Variants in CDH23 observed in about 807,000 individuals in gnomAD.
CDH23 encodes the protein cadherin related 23, also known as cadherin-23.
Under a neutral mutation model 317.1 loss-of-function variants are expected in CDH23, and 189 were observed. The observed-to-expected ratio is 0.60, with a 90% CI of 0.53 to 0.67. The LOEUF (loss-of-function observed/expected upper bound fraction) is 0.67, where lower values mean the gene tolerates loss of function less well. Among genes scored for constraint, CDH23 ranks in the 30% least tolerant of loss-of-function variants. The probability of loss-of-function intolerance (pLI) is 0.00; values close to 1 mark genes in which losing one functional copy is unlikely to be tolerated. For synonymous variants in CDH23, 1,839 were observed against 1,876.8 expected (o/e 0.98, Z 0.52); for missense variants, 4,401 against 4,592.4 (o/e 0.96, Z 1.20).
In CDH23 at chr10:71,511,223, C is replaced by T. The variant is rs759160082; in HGVS notation, c.429+11C>T. 1.2e-6 allele frequency: 2 copies of T among 1,611,348 alleles called. No individual in the cohort carries two copies. Among genetic ancestry groups the T allele is most frequent in the Admixed American group, 1.7e-5 (1 of 59,958 alleles). ...GTCCGCATCCCTGAGGTAGGAGCCA[C>T]TGGGGTTACCCTTGAGGGTATCAGA... On this transcript the variant is annotated intron_variant, in intron 6 of 69. Transcript: ENST00000224721.
At chr10:71,550,620 G>GA (rs1257180248) in intron 6 of CDH23, among the ~76,000 whole-genome samples, 3 of 145,098 alleles carry the variant, frequency 2.1e-5, no homozygotes, top group Non-Finnish European at 4.6e-5. Context: ...AAAAGAGAAA[G>GA]AAAAAAGACA....
At chr10:71,602,354 A>G (rs1434823063) in intron 9 of CDH23, among the ~76,000 whole-genome samples, 1 of 152,152 alleles carries the variant, frequency 6.6e-6, no homozygotes, top group Non-Finnish European at 1.5e-5. Context: ...CAGCAGCCCC[A>G]GGAGGCAGAG....
chr10:71,701,244 C>A (rs1174310340), intron 22 of CDH23, among the ~76,000 whole-genome samples: 2 of 152,154 alleles, frequency 1.3e-5, no homozygotes, highest in Non-Finnish European at 2.9e-5. Flanking sequence ...GAAGGTAGGG[C>A]GGTTGGAGGA....
chr10:71,562,343 C>T (rs944747398), intron 6 of CDH23, among the ~76,000 whole-genome samples: 6 of 152,218 alleles, frequency 3.9e-5, no homozygotes, highest in Non-Finnish European at 5.9e-5. Flanking sequence ...TGGATTTGCA[C>T]GTTAATAGGA....
chr10:71,687,364 G>A (rs3802715), intron 18 of CDH23, among the ~76,000 whole-genome samples: 4,247 of 152,170 alleles, frequency 0.028, 258 homozygotes, highest in East Asian at 0.24. Context: ...GGCAGCTGTC[G>A]GCAGTCCCAG....
intron 44 of CDH23, among the ~76,000 whole-genome samples, chr10:71,787,649 T>C (rs1238618753): frequency 6.6e-6 from 1 of 152,228 alleles, no homozygotes; most frequent in African/African-American, 2.4e-5. Context: ...TATTTGACTT[T>C]CTATTTCTGA....
chr10:71,414,802 C>CA (rs1231358806), intron 1 of CDH23, among the ~76,000 whole-genome samples: 1 of 152,114 alleles, frequency 6.6e-6, no homozygotes, highest in Non-Finnish European at 1.5e-5. Context: ...AAGTTTAGAA[C>CA]AATTCGATGG....
Position 71,566,802 on chromosome 10 carries a change from G to T in CDH23, c.490G>T (p.Gly164Trp), listed in dbSNP as rs983281489. 1.5e-5 allele frequency: 24 copies of T among 1,612,872 alleles called. No individual in the cohort carries two copies. Among genetic ancestry groups the T allele is most frequent in the Non-Finnish European group, 2.0e-5 (24 of 1,179,174 alleles). ...TGCCACAGACCCCGACTTGGGGGCA[G>T]GGGGCAGCGTCCTCTACTCCTTCCA... ...VNATDPDLGA[G>W]GSVLYSFQPP... Residue 164 changes from glycine to tryptophan, a missense_variant, in exon 7 of 70, where the codon GGG (glycine) becomes TGG (tryptophan). Physicochemically the swap from Gly to Trp is radical, Grantham distance 184 (BLOSUM62 -2). Around this residue, in one of 3 missense-constraint regions of CDH23, gnomAD observed 3,068 missense variants for 3,203.3 expected, o/e 0.96. Transcript: ENST00000224721.
intron 3 of CDH23, among the ~76,000 whole-genome samples, chr10:71,479,751 G>T (rs1851975710): frequency 6.6e-6 from 1 of 152,072 alleles, no homozygotes; most frequent in Non-Finnish European, 1.5e-5. Context: ...CTGGGGTGAT[G>T]CTGGGGTGGG....
chr10:71,611,372 A>G (rs1381072155), intron 9 of CDH23, among the ~76,000 whole-genome samples: 1 of 152,002 alleles, frequency 6.6e-6, no homozygotes, highest in Non-Finnish European at 1.5e-5. Flanking sequence ...GCCTGTAAAC[A>G]CTAGCTCTCT....
rs558963400 is a variant in CDH23 at position 71,622,635 on chromosome 10, C to T, written c.1134+5242C>T. ...TATGCACGACCCCTCCCCGCTGACC[C>T]AGATAGCTGAAAACTGACAGTTCCT... On this transcript the variant is annotated intron_variant, in intron 11 of 69. Coordinates refer to ENST00000224721, the MANE Select transcript of CDH23 (RefSeq NM_022124.6). Among the ~76,000 whole-genome samples the T allele has an allele frequency of 1.1e-4, 17 of 152,312 alleles. No individual in the cohort carries two copies. The South Asian group carries it at 3.5e-3, about 32-fold the overall frequency.
rs1589416034 is a variant in CDH23 at position 71,777,850 on chromosome 10, T to C, written c.5016T>C (p.Tyr1672=). The stretch of plus-strand genomic sequence containing the variant: ...AGGGTCCCAACGGCACAGTCACCTA[T>C]GCCATCGTCGCAGGCAACATCGTCA... ...LDEGPNGTVT[Y]AIVAGNIVNT... Residue 1672 remains tyrosine (Y), a synonymous_variant, in exon 39 of 70, where the codon TAT becomes TAC. Transcript: ENST00000224721. 6.2e-7 allele frequency: 1 copy of C among 1,613,974 alleles called. No individual in the cohort carries two copies. Among genetic ancestry groups the C allele is most frequent in the Non-Finnish European group, 8.5e-7 (1 of 1,179,892 alleles).
intron 3 of CDH23, among the ~76,000 whole-genome samples, chr10:71,449,566 A>G (rs1396813717): frequency 6.6e-6 from 1 of 152,226 alleles, no homozygotes; most frequent in Non-Finnish European, 1.5e-5. Context: ...GATATATCAT[A>G]AATTATTATA....
intron 9 of CDH23, among the ~76,000 whole-genome samples, chr10:71,590,391 G>C (rs1014323334): frequency 6.6e-6 from 1 of 152,170 alleles, no homozygotes; most frequent in Non-Finnish European, 1.5e-5. Flanking sequence ...TGCAAGGTGG[G>C]TGGAATCAGG....
chr10:71,616,029 A>G (rs944019976), intron 10 of CDH23, among the ~76,000 whole-genome samples: 1 of 152,238 alleles, frequency 6.6e-6, no homozygotes, highest in Non-Finnish European at 1.5e-5. Context: ...TCCTGTTAAG[A>G]AACAGCAATG....
rs374646786 is a variant in CDH23 at position 71,554,011 on chromosome 10, A to G, written c.430-12731A>G. Among the ~76,000 whole-genome samples, 11 of 152,330 alleles carry G rather than the reference A, an allele frequency of 7.2e-5. 1 individual carries two copies. In the East Asian group the frequency reaches 1.3e-3, roughly 19 times the overall value. ...AAGTAACATCTGCAAAGCACTTTGC[A>G]GTTTACTGACCCTTGTCTATACACA... On this transcript the variant is annotated intron_variant, in intron 6 of 69. Coordinates refer to ENST00000224721, the MANE Select transcript of CDH23 (RefSeq NM_022124.6).
At chr10:71,716,233 G>C in intron 28 of CDH23, 1 of 1,550,442 alleles carries the variant, frequency 6.4e-7, no homozygotes, top group Non-Finnish European at 8.7e-7. Flanking sequence ...GCATGGGGAG[G>C]GGGTCAGTTG....
intron 3 of CDH23, among the ~76,000 whole-genome samples, chr10:71,502,567 G>A (rs191574323): frequency 7.9e-4 from 121 of 152,314 alleles, no homozygotes; most frequent in Middle Eastern, 3.4e-3. Flanking sequence ...CTGTGCAGAG[G>A]TGCAAACAAT....
chr10:71,757,859 AG>A (rs1214583378), intron 38 of CDH23, among the ~76,000 whole-genome samples: 3 of 152,162 alleles, frequency 2.0e-5, no homozygotes, highest in Non-Finnish European at 2.9e-5. Flanking sequence ...AGAAGTTCAA[AG>A]GGAGATGAGC....
Sources: allele counts gnomAD v4.1 joint callset (sites outside exome capture counted in the v4.1 genomes callset), GRCh38; gene constraint gnomAD v4.1.1; regional missense constraint gnomAD v4.1.1; transcripts MANE v1.5; gene names NCBI Gene and HGNC (gene_info 2026-07-23, HGNC 2026-07-21).